UBALD2: variants seen among roughly 807,000 people sequenced by gnomAD.
UBALD2 encodes UBA-like domain-containing protein 2.
In UBALD2, 8 loss-of-function variants were observed where a neutral mutation model predicts 15.9. That is an observed-to-expected ratio of 0.50 (90% CI 0.29 to 0.91). UBALD2 has a LOEUF of 0.91. Among genes scored for constraint, UBALD2 ranks in the 40% least tolerant of loss-of-function variants. UBALD2 has a pLI of 0.07. For missense variants in UBALD2, 178 were observed against 234.8 expected (o/e 0.76, Z 1.58); for synonymous variants, 113 against 97.7 (o/e 1.16, Z -0.93).
At chr17:76,266,994 A>T (rs977778722) in intron 2 of UBALD2, among the ~76,000 whole-genome samples, 5 of 152,180 alleles carry the variant, frequency 3.3e-5, no homozygotes, top group African/African-American at 9.7e-5. Context: ...AGAATGGCTG[A>T]TGCTGTATAT....
At chr17:76,266,418 A>ACACACAC (rs2070546467) in intron 2 of UBALD2, among the ~76,000 whole-genome samples, 1 of 151,880 alleles carries the variant, frequency 6.6e-6, no homozygotes, top group African/African-American at 2.4e-5. Flanking sequence ...CCCCCTCCAC[A>ACACACAC]CACACACACA....
intron 2 of UBALD2, 136 bp from the exon 3 acceptor site, chr17:76,270,058 T>C (rs2070574061): frequency 1.1e-6 from 1 of 873,070 alleles, no homozygotes; most frequent in Non-Finnish European, 1.8e-6. Context: ...GGCACTTTTG[T>C]CCTGTGGAAG....
Position 76,270,214 on chromosome 17 carries a change from C to T in UBALD2, c.204C>T (p.Thr68=), listed in dbSNP as rs773272645. The change falls in exon 3 of 3, where the codon ACC becomes ACT. Residue 68 remains threonine, a synonymous_variant. Transcript: ENST00000327490. ...CGCAGATGTGCACTCCCAGCAACAC[C>T]CCTGCCACGCCGCCCAACTTCCCCG... is the stretch of plus-strand genomic sequence containing the variant. ...HHQMMCTPSN[T]PATPPNFPDA... is the part of the protein sequence containing the mutation. 12 of 1,612,728 alleles carry T rather than the reference C, an allele frequency of 7.4e-6. No individual in the cohort carries two copies. The South Asian group carries it at 1.1e-4, about 15-fold the overall frequency.
chr17:76,266,647 G>A (rs1282064142), intron 2 of UBALD2, among the ~76,000 whole-genome samples: 1 of 152,180 alleles, frequency 6.6e-6, no homozygotes, highest in Non-Finnish European at 1.5e-5. Flanking sequence ...CCAGCACACA[G>A]AGAAGTGGTC....
At chr17:76,266,555 C>T (rs576814443) in intron 2 of UBALD2, among the ~76,000 whole-genome samples, 1 of 152,312 alleles carries the variant, frequency 6.6e-6, no homozygotes, top group East Asian at 1.9e-4. Context: ...ACATACATCC[C>T]CCAAGCCAGG....
At chr17:76,266,956 G>C (rs904757440) in intron 2 of UBALD2, among the ~76,000 whole-genome samples, 3 of 152,224 alleles carry the variant, frequency 2.0e-5, no homozygotes, top group Non-Finnish European at 4.4e-5. Flanking sequence ...AGAGGGGTCT[G>C]TCTTGACCTT....
At chr17:76,265,766 C>T (rs1244104851) in intron 1 of UBALD2, 141 bp downstream of exon 1, 58 of 1,358,034 alleles carry the variant, frequency 4.3e-5, no homozygotes, top group Non-Finnish European at 5.2e-5. Flanking sequence ...GGGCCGGGAC[C>T]GGCTCCCCTC....
rs752892377 is a variant in UBALD2, at chr17:76,265,532, G to A, written c.27G>A (p.Arg9=). The A allele has an allele frequency of 3.0e-6, 4 of 1,311,934 alleles. No individual in the cohort carries two copies. The East Asian group carries it at 1.3e-4, about 44-fold the overall frequency. The allele number at this position is 1,311,934 out of a possible 1,614,324, so 81.3% of individuals were successfully genotyped here. ...TGTCGGTGAACATGGACGAGCTGCGGCACCAGGTCATGATCAACCAGTTCG... is the reference window on the plus strand; with the variant it reads ...TGTCGGTGAACATGGACGAGCTGCGACACCAGGTCATGATCAACCAGTTCG... The part of the protein sequence containing the change: MSVNMDEL[R]HQVMINQFVL... The change falls in exon 1 of 3, where the codon CGG becomes CGA. Residue 9 remains arginine (R), a synonymous_variant. Transcript: ENST00000327490.
Position 76,270,361 on chromosome 17 carries a change from G to A in UBALD2, c.351G>A (p.Pro117=), listed in dbSNP as rs367907656. ...TCAGCCCCTTCTGGGCCTCGTCCCC[G>A]CCCAGCCACCAGGCGCCCTGGATCC... ...ANFSPFWASS[P]PSHQAPWIPP... The change falls in exon 3 of 3, where the codon CCG becomes CCA. Residue 117 remains proline (P), a synonymous_variant. Coordinates refer to ENST00000327490, the MANE Select transcript of UBALD2 (RefSeq NM_182565.4). 5.0e-5 allele frequency: 78 copies of A among 1,569,600 alleles called. No homozygotes were observed. In the Admixed American group the frequency reaches 1.0e-3, roughly 20 times the overall value.
At chr17:76,266,328 C>G (rs1051355426) in intron 2 of UBALD2, among the ~76,000 whole-genome samples, 3 of 152,088 alleles carry the variant, frequency 2.0e-5, no homozygotes, top group African/African-American at 7.2e-5. Context: ...CTGGGAAGCC[C>G]GCGCGAAGGG....
Position 76,265,560 on chromosome 17 carries a change from C to T in UBALD2, c.55C>T (p.Leu19=), listed in dbSNP as rs1179873713. The change falls in exon 1 of 3, where the codon CTG becomes TTG. Residue 19 remains leucine, a synonymous_variant. Transcript: ENST00000327490. ...RHQVMINQFV[L]AAGCAADQAK... ...CCAGGTCATGATCAACCAGTTCGTG[C>T]TGGCCGCGGGCTGCGCGGCCGACCA... 4 of 1,339,468 alleles carry T rather than the reference C, an allele frequency of 3.0e-6. No homozygotes were observed. Among genetic ancestry groups the T allele is most frequent in the East Asian group, 8.3e-5 (2 of 23,988 alleles). 83.0% of individuals were successfully genotyped at this position (1,339,468 alleles called of 1,614,324 possible).
chr17:76,269,308 T>C lies in UBALD2; in HGVS notation c.184-886T>C, dbSNP rs2143064111. ...ACAGAAGACAGCAGATGGGGGACTG[T>C]AGCTACCCCCAGGAAGAGGACTGAG... On this transcript the variant is annotated intron_variant, in intron 2 of 2. Transcript: ENST00000327490. This position sits in a 1 kb window ranked among gnomAD's most constrained non-coding sequence, Gnocchi z 4.6. Among the ~76,000 whole-genome samples the C allele has an allele frequency of 6.6e-6, 1 of 152,220 alleles. No individual in the cohort carries two copies. Among genetic ancestry groups the C allele is most frequent in the Non-Finnish European group, 1.5e-5 (1 of 67,996 alleles).
At position 76,270,279 on chromosome 17, in the gene UBALD2, G is replaced by T; in HGVS notation, c.269G>T (p.Gly90Val). The T allele has an allele frequency of 1.2e-6, 2 of 1,611,792 alleles. No homozygotes were observed. The highest frequency in any genetic ancestry group is 2.2e-5 in the East Asian group (1 of 44,870). Residue 90 changes from glycine to valine, a missense_variant, in exon 3 of 3, where the codon GGC becomes GTC. Physicochemically the swap from Gly to Val is moderately radical, Grantham distance 109 (BLOSUM62 -3). Transcript: ENST00000327490. ...TTCTCCAAGCTCCGCGCCTCCGAGG[G>T]CCTGCAGAGCAGCAACAGCCCCATG... The part of the protein sequence containing the change: ...AMFSKLRASE[G>V]LQSSNSPMTA...
chr17:76,266,791 C>T (rs531523380), intron 2 of UBALD2, among the ~76,000 whole-genome samples: 2 of 152,218 alleles, frequency 1.3e-5, no homozygotes, highest in East Asian at 3.9e-4. Flanking sequence ...CCTATTAGCC[C>T]TGCTGGGGGA....
chr17:76,265,862 C>G (rs767822637), intron 1 of UBALD2, 45 bp from the exon 2 acceptor site: 1 of 1,576,798 alleles, frequency 6.3e-7, no homozygotes, highest in East Asian at 2.4e-5. Context: ...GCTGCGTTTC[C>G]TGACTCCGCC....
At chr17:76,267,667 CTTT>C (rs771340875) in intron 2 of UBALD2, among the ~76,000 whole-genome samples, 6 of 132,528 alleles carry the variant, frequency 4.5e-5, no homozygotes, top group Non-Finnish European at 4.9e-5. Context: ...AATTTCTTTT[CTTT>C]TTTTTTTTTT....
At position 76,265,901 on chromosome 17, in the gene UBALD2, C is replaced by A; in HGVS notation, c.121-6C>A. On this transcript the variant is annotated splice_region_variant and splice_polypyrimidine_tract_variant and intron_variant, in intron 1 of 2. Coordinates refer to ENST00000327490, the MANE Select transcript of UBALD2 (RefSeq NM_182565.4). Reference sequence around the variant, plus strand: ...CCCGCCGTGTCACTGCCCTGTTTGTCCGCAGACCGCGCTGAGCACGTTCTT... The same window carrying A: ...CCCGCCGTGTCACTGCCCTGTTTGTACGCAGACCGCGCTGAGCACGTTCTT... The A allele has an allele frequency of 1.2e-6, 2 of 1,603,144 alleles. No homozygotes were observed. Among genetic ancestry groups the A allele is most frequent in the Non-Finnish European group, 8.5e-7 (1 of 1,175,494 alleles).
intron 1 of UBALD2, 49 bp from the exon 2 acceptor site, chr17:76,265,858 T>C: frequency 6.4e-7 from 1 of 1,569,232 alleles, no homozygotes. Flanking sequence ...AGCCGCTGCG[T>C]TTCCTGACTC....
In UBALD2 at chr17:76,265,988, G is replaced by C. The variant is rs1183541740; in HGVS notation, c.183+19G>C. ...CCAGATGGTAAGCGGCGGCGGGCAG[G>C]GGCGCGGGCCGGGGCCGCTGTCAGC... is the stretch of plus-strand genomic sequence containing the variant. On this transcript the variant is annotated intron_variant, in intron 2 of 2. Coordinates refer to ENST00000327490, the MANE Select transcript of UBALD2 (RefSeq NM_182565.4). The C allele has an allele frequency of 6.4e-7, 1 of 1,560,912 alleles. No homozygotes were observed. Among genetic ancestry groups the C allele is most frequent in the African/African-American group, 1.4e-5 (1 of 73,494 alleles).
Sources: gnomAD v4.1 joint callset for allele counts (sites outside exome capture counted in the v4.1 genomes callset) on GRCh38, gnomAD v4.1.1 for gene constraint, Gnocchi (gnomAD v3.1) non-coding constraint, MANE v1.5 for transcripts, NCBI Gene and HGNC (gene_info 2026-07-23, HGNC 2026-07-21) for gene names.